The following CC2D1A variants were observed in gnomAD, a reference collection of about 807,000 sequenced individuals.
CC2D1A encodes the protein coiled-coil and C2 domain-containing protein 1A.
A neutral mutation model predicts 123.8 loss-of-function variants in CC2D1A; 68 were observed. That is an observed-to-expected ratio of 0.55 (90% CI 0.45 to 0.67). The LOEUF (loss-of-function observed/expected upper bound fraction) is 0.67, where lower values mean the gene tolerates loss of function less well. Ranked by LOEUF, CC2D1A falls within the 30% of genes least tolerant of loss-of-function variation. CC2D1A has a pLI of 0.00. For missense variants in CC2D1A, 1,185 were observed against 1,290.3 expected (o/e 0.92, Z 1.25); for synonymous variants, 477 against 528.0 (o/e 0.90, Z 1.32).
chr19:13,923,385 G>C lies in CC2D1A; in HGVS notation c.1694G>C (p.Gly565Ala). 1 of 1,612,406 alleles carries C rather than the reference G, an allele frequency of 6.2e-7. No homozygotes were observed. Among genetic ancestry groups the C allele is most frequent in the Non-Finnish European group, 8.5e-7 (1 of 1,179,982 alleles). The change falls in exon 15 of 29, where the codon GGC becomes GCC. Residue 565 changes from glycine to alanine, a missense_variant. Gly to Ala is a moderately conservative substitution (Grantham distance 60). Transcript: ENST00000318003. This position sits in a 1 kb window ranked among gnomAD's most constrained non-coding sequence, Gnocchi z 5.3. ...GACTTTGCCCTGGTCCAGCGGCCTG[G>C]CCCGGGTCTGTCTCAGGAGGCCGCC... ...KDDFALVQRP[G>A]PGLSQEAARR...
chr19:13,907,042 A>G (rs146961682), intron 1 of CC2D1A, among the ~76,000 whole-genome samples: 1 of 152,110 alleles, frequency 6.6e-6, no homozygotes, highest in African/African-American at 2.4e-5. Flanking sequence ...TGGTGTTCAG[A>G]TATTAGAGTC....
chr19:13,911,124 G>A (rs1970982675), intron 2 of CC2D1A, among the ~76,000 whole-genome samples: 1 of 151,722 alleles, frequency 6.6e-6, no homozygotes, highest in African/African-American at 2.4e-5. Flanking sequence ...TACTCGGGAG[G>A]CTGAGGCAGG....
chr19:13,920,689 C>T, intron 13 of CC2D1A, 21 bp downstream of exon 13: 1 of 1,608,244 alleles, frequency 6.2e-7, no homozygotes, highest in Non-Finnish European at 8.5e-7. Flanking sequence ...CCTCCCCGCC[C>T]CAGCTGCCTG....
chr19:13,906,214 G>T lies in CC2D1A; in HGVS notation c.-228G>T. The T allele has an allele frequency of 2.3e-6, 1 of 429,088 alleles. No individual in the cohort carries two copies. Among genetic ancestry groups the T allele is most frequent in the Non-Finnish European group, 4.1e-6 (1 of 241,582 alleles). The allele number at this position is 429,088 out of a possible 1,614,324, so 26.6% of individuals were successfully genotyped here. ...CTGCCGGGAGTTGTAGTTTCGGCTCGGCAGACCCGGCGAGCCCAGTGGCCG... is the reference window on the plus strand; with the variant it reads ...CTGCCGGGAGTTGTAGTTTCGGCTCTGCAGACCCGGCGAGCCCAGTGGCCG... On this transcript the variant is annotated 5_prime_UTR_variant, in exon 1 of 29. Coordinates refer to ENST00000318003, the MANE Select transcript of CC2D1A (RefSeq NM_017721.5). This position sits in a 1 kb window ranked among gnomAD's most constrained non-coding sequence, Gnocchi z 4.1.
chr19:13,925,990 A>ATG (rs1971601539), intron 17 of CC2D1A, among the ~76,000 whole-genome samples: 1 of 94,272 alleles, frequency 1.1e-5, no homozygotes, highest in African/African-American at 6.0e-5. Flanking sequence ...ATATATATAC[A>ATG]TATATGTGTG....
In CC2D1A at chr19:13,908,451, G is replaced by A. The variant is rs192272139; in HGVS notation, c.61-1372G>A. On this transcript the variant is annotated intron_variant, in intron 1 of 28. Coordinates refer to ENST00000318003, the MANE Select transcript of CC2D1A (RefSeq NM_017721.5). ...GTGAGCCACTGCACCTGGCCCTGTC[G>A]TCAGGGCTTCTAATTGCTCTTCTTT... Among the ~76,000 whole-genome samples, 73 of 151,950 alleles carry A rather than the reference G, an allele frequency of 4.8e-4. 1 individual carries two copies. Among genetic ancestry groups the A allele is most frequent in the East Asian group, 3.7e-3 (19 of 5,130 alleles).
intron 14 of CC2D1A, among the ~76,000 whole-genome samples, chr19:13,922,813 C>T (rs933191617): frequency 2.0e-4 from 31 of 152,106 alleles, no homozygotes; most frequent in African/African-American, 6.8e-4. Flanking sequence ...GGATTATAGA[C>T]ATGAGCCACT....
intron 1 of CC2D1A, among the ~76,000 whole-genome samples, chr19:13,909,233 G>T (rs757049538): frequency 2.0e-5 from 3 of 151,986 alleles, no homozygotes; most frequent in Non-Finnish European, 4.4e-5. Flanking sequence ...AAAATTAGCC[G>T]GGCGTGGTGG....
At position 13,923,836 on chromosome 19, in the gene CC2D1A, C is replaced by T. The variant is rs1416256181; in HGVS notation, c.1940+25C>T. The T allele has an allele frequency of 1.3e-6, 2 of 1,557,228 alleles. No homozygotes were observed. Among genetic ancestry groups the T allele is most frequent in the Non-Finnish European group, 1.8e-6 (2 of 1,129,092 alleles). On this transcript the variant is annotated intron_variant, in intron 17 of 28. Coordinates refer to ENST00000318003, the MANE Select transcript of CC2D1A (RefSeq NM_017721.5). The surrounding 1 kb of genome is among the most constrained non-coding windows in gnomAD (Gnocchi z 5.3). ...AGTAAGGCTCCTGATCTACGCCCCA[C>T]CACGTGGCCCCAGTGGCCCTTTGGT...
chr19:13,925,933 A>AATATATATAT (rs1210738190), intron 17 of CC2D1A, among the ~76,000 whole-genome samples: 8 of 91,034 alleles, frequency 8.8e-5, no homozygotes, highest in African/African-American at 5.5e-4. Flanking sequence ...AAAAAAAAAA[A>AATATATATAT]ATATATATAT....
At position 13,930,441 on chromosome 19, in the gene CC2D1A, C is replaced by A. The variant is rs552477104; in HGVS notation, c.*46C>A. 3.2e-6 allele frequency: 5 copies of A among 1,556,620 alleles called. No individual in the cohort carries two copies. In the Middle Eastern group the frequency reaches 1.1e-3, roughly 333 times the overall value. On this transcript the variant is annotated 3_prime_UTR_variant, in exon 29 of 29. Transcript: ENST00000318003. The surrounding 1 kb of genome is among the most constrained non-coding windows in gnomAD (Gnocchi z 6.8). Reference sequence around the variant, plus strand: ...CCCCCAGAAAGCGGGCAGCAGGCCCCGATACCGGGAAGAGCCGACACAGCC... The same window carrying A: ...CCCCCAGAAAGCGGGCAGCAGGCCCAGATACCGGGAAGAGCCGACACAGCC...
At chr19:13,926,627 AC>A (rs1243002335) in intron 18 of CC2D1A, 37 bp downstream of exon 18, 1 of 1,613,644 alleles carries the variant, frequency 6.2e-7, no homozygotes, top group Non-Finnish European at 8.5e-7. Context: ...GGTCATGGGG[AC>A]CCCCTCTCTG....
Position 13,906,590 on chromosome 19 carries a change from G to A in CC2D1A, c.60+89G>A. 1.3e-6 allele frequency: 1 copy of A among 787,658 alleles called. No individual in the cohort carries two copies. 48.8% of individuals were successfully genotyped at this position (787,658 alleles called of 1,614,324 possible). On this transcript the variant is annotated intron_variant, in intron 1 of 28. Coordinates refer to ENST00000318003, the MANE Select transcript of CC2D1A (RefSeq NM_017721.5). This position sits in a 1 kb window ranked among gnomAD's most constrained non-coding sequence, Gnocchi z 4.1. ...AGGGCCCCACCCCCCAGGGAAGCCC[G>A]ATCTCCGCCCCACAGGTAAGCCCCG...
At chr19:13,929,723 G>T (rs1599412874) in intron 26 of CC2D1A, 63 bp downstream of exon 26, 1 of 1,115,156 alleles carries the variant, frequency 9.0e-7, no homozygotes, top group African/African-American at 2.2e-5. Flanking sequence ...GGGGGGGGAG[G>T]TGCTCAGGGA....
chr19:13,927,683 C>T (rs893103404), intron 22 of CC2D1A: 1 of 580,164 alleles, frequency 1.7e-6, no homozygotes, highest in Non-Finnish European at 3.0e-6. Flanking sequence ...GAGGCTGAGG[C>T]AGGAGAATGG....
In CC2D1A at chr19:13,930,492, C is replaced by A; in HGVS notation, c.*97C>A. 1 of 1,367,094 alleles carries A rather than the reference C, an allele frequency of 7.3e-7. No individual in the cohort carries two copies. Among genetic ancestry groups the A allele is most frequent in the Non-Finnish European group, 9.8e-7 (1 of 1,019,776 alleles). The allele number at this position is 1,367,094 out of a possible 1,614,324, so 84.7% of individuals were successfully genotyped here. On this transcript the variant is annotated 3_prime_UTR_variant, in exon 29 of 29. Coordinates refer to ENST00000318003, the MANE Select transcript of CC2D1A (RefSeq NM_017721.5). The surrounding 1 kb of genome is among the most constrained non-coding windows in gnomAD (Gnocchi z 6.8). ...ACGAACCAGACAAGCAGACAATCAG[C>A]GGACAATCGGTTCTGGACTCACCCC...
rs893578985 is a variant in CC2D1A, at chr19:13,906,339, G to C, written c.-103G>C. Reference sequence around the variant, plus strand: ...GACGGCCGCGGGGCGCCGACGAGGAGTGCAGGACTCAGGAAGGGCGAGTGC... The same window carrying C: ...GACGGCCGCGGGGCGCCGACGAGGACTGCAGGACTCAGGAAGGGCGAGTGC... On this transcript the variant is annotated 5_prime_UTR_variant, in exon 1 of 29. Transcript: ENST00000318003. This position sits in a 1 kb window ranked among gnomAD's most constrained non-coding sequence, Gnocchi z 4.1. The C allele has an allele frequency of 2.1e-5, 20 of 954,862 alleles. No individual in the cohort carries two copies. The East Asian group carries it at 6.1e-4, about 29-fold the overall frequency. 59.1% of individuals were successfully genotyped at this position (954,862 alleles called of 1,614,324 possible).
At chr19:13,911,409 A>G (rs1970990057) in intron 2 of CC2D1A, among the ~76,000 whole-genome samples, 1 of 152,146 alleles carries the variant, frequency 6.6e-6, no homozygotes. Flanking sequence ...CAACCTACCT[A>G]TGAAGGAGGA....
intron 2 of CC2D1A, 133 bp downstream of exon 2, chr19:13,910,091 G>A (rs1970945451): frequency 1.1e-6 from 1 of 872,838 alleles, no homozygotes; most frequent in East Asian, 3.1e-5. Flanking sequence ...CAATGATCTG[G>A]GTAAGAGAGT....
Sources: gnomAD v4.1 joint callset for allele counts (sites outside exome capture counted in the v4.1 genomes callset) on GRCh38, gnomAD v4.1.1 for gene constraint, Gnocchi (gnomAD v3.1) non-coding constraint, MANE v1.5 for transcripts, NCBI Gene and HGNC (gene_info 2026-07-23, HGNC 2026-07-21) for gene names.